Variants in NLRP5 observed in about 807,000 individuals in gnomAD.
NLRP5 encodes the protein NLR family pyrin domain containing 5.
In NLRP5, 93 loss-of-function variants were observed where a neutral mutation model predicts 113.1. The observed-to-expected ratio is 0.82, with a 90% CI of 0.70 to 0.98. The LOEUF (loss-of-function observed/expected upper bound fraction) is 0.98. Ranked by LOEUF, NLRP5 falls within the 50% of genes least tolerant of loss-of-function variation. NLRP5 has a pLI of 0.00. For missense variants in NLRP5, 1,808 were observed against 1,514.3 expected (o/e 1.19, Z -3.22); for synonymous variants, 751 against 600.7 (o/e 1.25, Z -3.66).
chr19:56,013,253 T>C (rs908134823), intron 3 of NLRP5, among the ~76,000 whole-genome samples: 1 of 152,120 alleles, frequency 6.6e-6, no homozygotes, highest in Non-Finnish European at 1.5e-5. Context: ...AGTGCAGTGG[T>C]GCGATCTCGG....
intron 6 of NLRP5, 65 bp from the exon 7 acceptor site, chr19:56,026,848 T>G: frequency 6.8e-7 from 1 of 1,481,174 alleles, no homozygotes; most frequent in East Asian, 2.5e-5. Context: ...AGTGCTGGGA[T>G]GACAGGTGCG....
In NLRP5 at chr19:56,015,824, G is replaced by A. The variant is rs756988619; in HGVS notation, c.565+26G>A. On this transcript the variant is annotated intron_variant, in intron 4 of 14. Transcript: ENST00000390649. ...GTGAATGAAATAGATCTATTCATTT[G>A]TTGCCCTCCTGGAAGAAAGTTGGGT... The A allele has an allele frequency of 9.8e-6, 15 of 1,523,876 alleles. 2 individuals are homozygous for A. In the South Asian group the frequency reaches 1.9e-4, roughly 19 times the overall value. 94.4% of individuals were successfully genotyped at this position (1,523,876 alleles called of 1,614,324 possible).
intron 1 of NLRP5, among the ~76,000 whole-genome samples, chr19:56,002,035 C>T (rs117004033): frequency 0.014 from 2,173 of 152,290 alleles, 48 homozygotes; most frequent in East Asian, 0.065. Context: ...ACAACTGCTA[C>T]ATTTCAATGT....
intron 2 of NLRP5, among the ~76,000 whole-genome samples, chr19:56,005,842 T>C (rs1238384921): frequency 6.6e-6 from 1 of 152,186 alleles, no homozygotes; most frequent in Non-Finnish European, 1.5e-5. Context: ...GAAACTGTCA[T>C]GTCCCCACCA....
Position 56,027,461 on chromosome 19 carries a change from A to C in NLRP5, c.1228A>C (p.Arg410=), listed in dbSNP as rs1982908104. The C allele has an allele frequency of 1.9e-6, 3 of 1,613,830 alleles. No individual in the cohort carries two copies. Among genetic ancestry groups the C allele is most frequent in the Non-Finnish European group, 2.5e-6 (3 of 1,179,828 alleles). ...TGAGTCCTTCCTGATCGTCACCGTC[A>C]GAGACGTGGGCACAGAGAAGCTCAA... The change falls in exon 7 of 15, where the codon AGA becomes CGA. Residue 410 remains arginine, a synonymous_variant. Coordinates refer to ENST00000390649, the MANE Select transcript of NLRP5 (RefSeq NM_153447.4).
intron 3 of NLRP5, among the ~76,000 whole-genome samples, chr19:56,010,755 A>AAAAAAAAAAAAAAAAAAAAAAAAT (rs78321861): frequency 4.0e-5 from 5 of 126,008 alleles, no homozygotes; most frequent in East Asian, 4.3e-4. Context: ...AAAAAAAAAA[A>AAAAAAAAAAAAAAAAAAAAAAAAT]GTCCCTTGAA....
Position 56,061,534 on chromosome 19 carries a change from C to A in NLRP5, c.*6C>A, listed in dbSNP as rs376216648. On this transcript the variant is annotated 3_prime_UTR_variant, in exon 15 of 15. Transcript: ENST00000390649. ...GGTACTGGTGGAAAAACTGAAGATA[C>A]GGAAACCTGCCCCACTCACACCCAT... 6.2e-7 allele frequency: 1 copy of A among 1,613,838 alleles called. No homozygotes were observed. The highest frequency in any genetic ancestry group is 8.5e-7 in the Non-Finnish European group (1 of 1,179,812).
rs746839255 is a variant in NLRP5 at position 56,027,547 on chromosome 19, C to T, written c.1314C>T (p.Ile438=). The T allele has an allele frequency of 1.9e-6, 3 of 1,614,010 alleles. No individual in the cohort carries two copies. In the South Asian group the frequency reaches 3.3e-5, roughly 18 times the overall value. ...GAGGAATCTCCGGGGAACAAAGAATCCACTTGCTCCTTGAGCGCGGGATTG... is the reference window on the plus strand; with the variant it reads ...GAGGAATCTCCGGGGAACAAAGAATTCACTTGCTCCTTGAGCGCGGGATTG... The change falls in exon 7 of 15, where the codon ATC becomes ATT. Residue 438 remains isoleucine (I), a synonymous_variant. Coordinates refer to ENST00000390649, the MANE Select transcript of NLRP5 (RefSeq NM_153447.4).
intron 10 of NLRP5, among the ~76,000 whole-genome samples, chr19:56,040,310 C>G (rs550342201): frequency 6.6e-6 from 1 of 152,068 alleles, no homozygotes; most frequent in Non-Finnish European, 1.5e-5. Context: ...AATCCCAACA[C>G]TTTGGGAGGC....
intron 11 of NLRP5, among the ~76,000 whole-genome samples, chr19:56,043,767 C>T (rs938058308): frequency 2.6e-5 from 4 of 151,354 alleles, no homozygotes; most frequent in East Asian, 2.0e-4. Context: ...TTAGTAGAGA[C>T]AGGGTTTCAC....
At chr19:55,994,200 C>T in the NLRP5 span, among the ~76,000 whole-genome samples, 7 of 152,018 alleles carry the variant, frequency 4.6e-5, no homozygotes, top group South Asian at 6.2e-4. Context: ...AGTGAGATTG[C>T]GATGATGAGT....
chr19:56,053,778 A>G lies in NLRP5; in HGVS notation c.3269A>G (p.Lys1090Arg). 6.2e-7 allele frequency: 1 copy of G among 1,613,868 alleles called. No individual in the cohort carries two copies. Among genetic ancestry groups the G allele is most frequent in the South Asian group, 1.1e-5 (1 of 91,056 alleles). ...GTTGCTGCGCTGTGCGAGGGACTGA[A>G]GCAAAAGAACAGTGTTCTGGCGAGA... Residue 1090 changes from lysine to arginine, a missense_variant, in exon 13 of 15, where the codon AAG becomes AGG. Physicochemically the swap from Lys to Arg is conservative, Grantham distance 26 (BLOSUM62 2). Coordinates refer to ENST00000390649, the MANE Select transcript of NLRP5 (RefSeq NM_153447.4).
rs71296979 is a variant in NLRP5 at position 56,009,339 on chromosome 19, C to CAAAAAAAAAAAAAAAA, written c.508+491_508+506dup. ...TGGGCGACAGAACGAGACTCCATCT[C>CAAAAAAAAAAAAAAAA]AAAAAAAAAAAAAAAAAAAAGAGTT... is the stretch of plus-strand genomic sequence containing the variant. On this transcript the variant is annotated intron_variant, in intron 3 of 14. Coordinates refer to ENST00000390649, the MANE Select transcript of NLRP5 (RefSeq NM_153447.4). Among the ~76,000 whole-genome samples the CAAAAAAAAAAAAAAAA allele has an allele frequency of 9.8e-3, 435 of 44,302 alleles. 66 individuals carry two copies. Among genetic ancestry groups the CAAAAAAAAAAAAAAAA allele is most frequent in the Non-Finnish European group, 0.013 (349 of 25,906 alleles). 29.1% of individuals were successfully genotyped at this position (44,302 alleles called of 152,430 possible).
intron 13 of NLRP5, among the ~76,000 whole-genome samples, 182 bp from the exon 14 acceptor site, chr19:56,058,058 G>A (rs1174377690): frequency 6.6e-6 from 1 of 150,762 alleles, no homozygotes; most frequent in East Asian, 1.9e-4. Flanking sequence ...GAATATTTGG[G>A]TCTTTCATCA....
chr19:56,022,992 C>A (rs1039866045), intron 6 of NLRP5, among the ~76,000 whole-genome samples: 2 of 152,160 alleles, frequency 1.3e-5, no homozygotes, highest in Non-Finnish European at 2.9e-5. Flanking sequence ...TCCCAAAGTG[C>A]TGGGATTACA....
At position 56,030,560 on chromosome 19, in the gene NLRP5, G is replaced by T. The variant is rs147988493; in HGVS notation, c.2276+2051G>T. Among the ~76,000 whole-genome samples, 955 of 152,124 alleles carry T rather than the reference G, an allele frequency of 6.3e-3. 6 individuals are homozygous for T. Among genetic ancestry groups the T allele is most frequent in the African/African-American group, 0.021 (883 of 41,490 alleles). On this transcript the variant is annotated intron_variant, in intron 7 of 14. Coordinates refer to ENST00000390649, the MANE Select transcript of NLRP5 (RefSeq NM_153447.4). ...TTTGTTCTTTCCACAGCCAAGAGGAGTCACAGCCTGGGCAATTTTCCTGTA... is the reference window on the plus strand; with the variant it reads ...TTTGTTCTTTCCACAGCCAAGAGGATTCACAGCCTGGGCAATTTTCCTGTA...
At chr19:56,010,977 C>T (rs1019460289) in intron 3 of NLRP5, among the ~76,000 whole-genome samples, 1 of 151,678 alleles carries the variant, frequency 6.6e-6, no homozygotes, top group African/African-American at 2.4e-5. Context: ...TGTAGCAAGA[C>T]CCGACGTCTA....
At chr19:56,016,054 T>C (rs1350705521) in intron 4 of NLRP5, among the ~76,000 whole-genome samples, 2 of 152,240 alleles carry the variant, frequency 1.3e-5, no homozygotes, top group Admixed American at 1.3e-4. Flanking sequence ...TTATGGGGCG[T>C]GAGGTTTCAA....
chr19:56,036,373 C>G (rs1042268469), intron 9 of NLRP5, among the ~76,000 whole-genome samples: 2 of 151,758 alleles, frequency 1.3e-5, no homozygotes, highest in African/African-American at 4.8e-5. Context: ...GGCTGAGATT[C>G]TTTCATTCAA....
Sources: gnomAD v4.1 joint callset for allele counts (sites outside exome capture counted in the v4.1 genomes callset) on GRCh38, gnomAD v4.1.1 for gene constraint, MANE v1.5 for transcripts, NCBI Gene and HGNC (gene_info 2026-07-23, HGNC 2026-07-21) for gene names.